OPCML: variants seen among roughly 807,000 people sequenced by gnomAD.
OPCML encodes opioid binding protein/cell adhesion molecule like.
Under a neutral mutation model 37.8 loss-of-function variants are expected in OPCML, and 13 were observed. The observed-to-expected ratio is 0.34, with a 90% CI of 0.22 to 0.55. The LOEUF (loss-of-function observed/expected upper bound fraction) is 0.55. OPCML is among the 20% of genes least tolerant of loss of function. OPCML has a pLI of 0.91. For synonymous variants in OPCML, 176 were observed against 168.8 expected (o/e 1.04, Z -0.33); for missense variants, 341 against 435.6 (o/e 0.78, Z 1.93).
chr11:133,419,218 G>T (rs1302222563), intron 1 of OPCML: 1 of 984,594 alleles, frequency 1.0e-6, no homozygotes, highest in Non-Finnish European at 1.2e-6. Flanking sequence ...AGGAGACCCT[G>T]TGAGGTAATT....
chr11:133,170,059 G>A (rs1950267053), intron 1 of OPCML, among the ~76,000 whole-genome samples: 1 of 152,204 alleles, frequency 6.6e-6, no homozygotes, highest in Non-Finnish European at 1.5e-5. Context: ...GATTCAAGCT[G>A]TACAATGAAT....
At chr11:132,693,607 T>C (rs1032852479) in intron 2 of OPCML, among the ~76,000 whole-genome samples, 2 of 152,232 alleles carry the variant, frequency 1.3e-5, no homozygotes, top group Admixed American at 1.3e-4. Flanking sequence ...TGAAGCATTC[T>C]TGCCAAATGA....
intron 1 of OPCML, among the ~76,000 whole-genome samples, chr11:133,491,503 C>G (rs1481846965): frequency 6.6e-6 from 1 of 152,166 alleles, no homozygotes; most frequent in Admixed American, 6.5e-5. Flanking sequence ...ATTTCCCCCA[C>G]CCTCTCTGCA....
chr11:133,232,096 T>G lies in OPCML; in HGVS notation c.62-289086A>C, dbSNP rs190735403. 2.6e-3 allele frequency among the ~76,000 whole-genome samples: 400 copies of G among 152,270 alleles called. 1 individual carries two copies. Among genetic ancestry groups the G allele is most frequent in the African/African-American group, 9.0e-3 (372 of 41,548 alleles). ...TTTACTCAGAACTCTGAACTTTTAG[T>G]TGCCTTGAACCTCACCATATGCCCC... On this transcript the variant is annotated intron_variant, in intron 1 of 7. Coordinates refer to ENST00000524381, the MANE Select transcript of OPCML (RefSeq NM_001012393.5).
In OPCML at chr11:132,562,060, T is replaced by C. The variant is rs904121168; in HGVS notation, c.380-32874A>G. Among the ~76,000 whole-genome samples the C allele has an allele frequency of 4.6e-5, 7 of 152,168 alleles. No homozygotes were observed. In the South Asian group the frequency reaches 1.2e-3, roughly 27 times the overall value. On this transcript the variant is annotated intron_variant, in intron 3 of 7. Coordinates refer to ENST00000524381, the MANE Select transcript of OPCML (RefSeq NM_001012393.5). Reference sequence around the variant, plus strand: ...AGTAAATTTCCTTTCTCCCTAGTTATGCATGAGTTGAAAGCACTGACTGAG... The same window carrying C: ...AGTAAATTTCCTTTCTCCCTAGTTACGCATGAGTTGAAAGCACTGACTGAG...
chr11:132,486,423 C>A (rs1325921047), intron 4 of OPCML, among the ~76,000 whole-genome samples: 7 of 151,980 alleles, frequency 4.6e-5, no homozygotes, highest in Non-Finnish European at 1.0e-4. Context: ...AAAAAAAATG[C>A]ATTTTGAACT....
chr11:132,583,093 C>T (rs1043535022), intron 3 of OPCML, among the ~76,000 whole-genome samples: 6 of 151,932 alleles, frequency 3.9e-5, no homozygotes, highest in Non-Finnish European at 5.9e-5. Flanking sequence ...CTCCCTCTGT[C>T]GCTCAGGCTG....
At chr11:133,390,273 T>C (rs987307738) in intron 1 of OPCML, among the ~76,000 whole-genome samples, 2 of 151,788 alleles carry the variant, frequency 1.3e-5, no homozygotes, top group Admixed American at 6.6e-5. Flanking sequence ...TCCTGGCTAA[T>C]ACGCTGAAAC....
rs540255169 is a variant in OPCML, at chr11:133,154,147, G to A, written c.62-211137C>T. Among the ~76,000 whole-genome samples, 151 of 152,012 alleles carry A rather than the reference G, an allele frequency of 9.9e-4. 3 individuals carry two copies. In the South Asian group the frequency reaches 0.03, roughly 30 times the overall value. On this transcript the variant is annotated intron_variant, in intron 1 of 7. Transcript: ENST00000524381. ...TGTAGAGGGTCCCTAGGGGATGTGC[G>A]GAGCAGGATGGAGCCAGGAGGGAGG... is the stretch of plus-strand genomic sequence containing the variant.
chr11:133,445,282 T>A (rs1946451180), intron 1 of OPCML, among the ~76,000 whole-genome samples: 1 of 151,996 alleles, frequency 6.6e-6, no homozygotes, highest in South Asian at 2.1e-4. Context: ...CAATTTCCTC[T>A]CTCCACATGG....
intron 1 of OPCML, among the ~76,000 whole-genome samples, chr11:133,470,457 T>A (rs953719228): frequency 6.6e-6 from 1 of 152,158 alleles, no homozygotes; most frequent in Admixed American, 6.5e-5. Flanking sequence ...AGCTCCCCCA[T>A]CCCTGTGACA....
At chr11:132,520,307 C>A (rs1394454061) in intron 4 of OPCML, among the ~76,000 whole-genome samples, 2 of 152,274 alleles carry the variant, frequency 1.3e-5, no homozygotes, top group East Asian at 1.9e-4. Context: ...GAACTAGGTT[C>A]TTTTCATAAA....
At chr11:132,542,870 G>C (rs968506311) in intron 3 of OPCML, among the ~76,000 whole-genome samples, 3 of 152,266 alleles carry the variant, frequency 2.0e-5, no homozygotes, top group Admixed American at 2.0e-4. Flanking sequence ...CCAGCTTTGT[G>C]CTGCCAAGAT....
chr11:132,536,420 A>G (rs1456666109), intron 3 of OPCML, among the ~76,000 whole-genome samples: 5 of 152,158 alleles, frequency 3.3e-5, no homozygotes, highest in Non-Finnish European at 1.5e-5. Flanking sequence ...AGCTTCCTCT[A>G]CTGTGAAATG....
At chr11:132,582,242 AC>A (rs1412802991) in intron 3 of OPCML, among the ~76,000 whole-genome samples, 1 of 151,964 alleles carries the variant, frequency 6.6e-6, no homozygotes, top group African/African-American at 2.4e-5. Context: ...CTATAGAACA[AC>A]CTAAAAACAG....
At chr11:132,633,747 G>A (rs1313311977) in intron 3 of OPCML, among the ~76,000 whole-genome samples, 1 of 152,180 alleles carries the variant, frequency 6.6e-6, no homozygotes. Flanking sequence ...GACAGCAGGA[G>A]GGAAAGTAAG....
intron 2 of OPCML, among the ~76,000 whole-genome samples, chr11:132,722,256 A>AT (rs34373769): frequency 0.35 from 51,743 of 147,428 alleles, 8,934 homozygotes; most frequent in Middle Eastern, 0.42. Flanking sequence ...CGTCCGGCCT[A>AT]TTTTTTTTTT....
Position 132,419,889 on chromosome 11 carries a change from A to C in OPCML, c.*304T>G. 3.1e-6 allele frequency: 1 copy of C among 321,292 alleles called. No homozygotes were observed. Among genetic ancestry groups the C allele is most frequent in the Non-Finnish European group, 5.7e-6 (1 of 174,188 alleles). 19.9% of individuals were successfully genotyped at this position (321,292 alleles called of 1,614,324 possible). A position where few individuals can be genotyped will look rare whatever the true frequency, so the allele number is the denominator to read the frequency against. On this transcript the variant is annotated 3_prime_UTR_variant, in exon 8 of 8. Coordinates refer to ENST00000524381, the MANE Select transcript of OPCML (RefSeq NM_001012393.5). ...TGTGTGGCAGAGGATGTTGTTGGGA[A>C]TGATGATGAGGAGAGAAGCAGAGGA...
At chr11:132,681,213 AC>A (rs760427661) in intron 2 of OPCML, among the ~76,000 whole-genome samples, 9 of 152,110 alleles carry the variant, frequency 5.9e-5, no homozygotes, top group Admixed American at 2.0e-4. Context: ...CAAGGGCCCC[AC>A]CCTCAAGCCT....
Sources: gnomAD v4.1 joint callset for allele counts (sites outside exome capture counted in the v4.1 genomes callset) on GRCh38, gnomAD v4.1.1 for gene constraint, MANE v1.5 for transcripts, NCBI Gene and HGNC (gene_info 2026-07-23, HGNC 2026-07-21) for gene names.